SLC39A10: variants seen among roughly 807,000 people sequenced by gnomAD.
The protein encoded by SLC39A10 is zinc transporter ZIP10.
A neutral mutation model predicts 65.1 loss-of-function variants in SLC39A10; 13 were observed. The observed-to-expected ratio is 0.20, with a 90% CI of 0.13 to 0.32. The LOEUF (loss-of-function observed/expected upper bound fraction) is 0.32, where lower values mean the gene tolerates loss of function less well. Ranked by LOEUF, SLC39A10 falls within the 10% of genes least tolerant of loss-of-function variation. SLC39A10 has a pLI of 1.00. For missense variants in SLC39A10, 831 were observed against 1,018.4 expected, an observed-to-expected ratio of 0.82 and a Z score of 2.50; for synonymous variants, 321 against 342.2, an observed-to-expected ratio of 0.94 and a Z score of 0.68.
At chr2:195,654,919 T>G (rs1033420126), upstream of SLC39A10, among the ~76,000 whole-genome samples, 1 of 152,186 alleles carries the variant, frequency 6.6e-6, no homozygotes, top group Non-Finnish European at 1.5e-5. Context: ...TTCTATCTGA[T>G]AATTTTGCTT....
At chr2:195,703,795 A>G (rs1288027364) in intron 3 of SLC39A10, among the ~76,000 whole-genome samples, 1 of 152,124 alleles carries the variant, frequency 6.6e-6, no homozygotes, top group Non-Finnish European at 1.5e-5. Flanking sequence ...CTTGGACTAC[A>G]GGCACATGCC....
rs1482305590 is a variant in SLC39A10 at position 195,680,726 on chromosome 2, A to G, written c.684A>G (p.Leu228=). ...NKTQEQSDVK[L]PKGKRKKKGR... is the part of the protein sequence containing the mutation. ...CCCAGGAACAATCTGATGTTAAACT[A>G]CCGAAAGGAAAGAGGAAGAAAAAAG... The change falls in exon 2 of 10, where the codon CTA becomes CTG. Residue 228 remains leucine (L), a synonymous_variant. Coordinates refer to ENST00000359634, the MANE Select transcript of SLC39A10 (RefSeq NM_020342.3). 2 of 1,614,042 alleles carry G rather than the reference A, an allele frequency of 1.2e-6. No individual in the cohort carries two copies. Among genetic ancestry groups the G allele is most frequent in the South Asian group, 1.1e-5 (1 of 91,088 alleles).
In SLC39A10 at chr2:195,715,525, C is replaced by CAA. The variant is rs545656309; in HGVS notation, c.1697-1090_1697-1089dup. Among the ~76,000 whole-genome samples the CAA allele has an allele frequency of 7.0e-3, 419 of 59,576 alleles. 1 individual carries two copies. Among genetic ancestry groups the CAA allele is most frequent in the Non-Finnish European group, 8.2e-3 (229 of 27,760 alleles). 39.1% of individuals were successfully genotyped at this position (59,576 alleles called of 152,430 possible). On this transcript the variant is annotated intron_variant, in intron 6 of 9. Coordinates refer to ENST00000359634, the MANE Select transcript of SLC39A10 (RefSeq NM_020342.3). ...TGGGTGACAGAGTGAGACTCTGTCT[C>CAA]AAAAAAAAAAAAAAAAAAAAAAAGA...
chr2:195,618,402 A>C (rs907879267), intron 2 of SLC39A10, among the ~76,000 whole-genome samples: 1 of 152,028 alleles, frequency 6.6e-6, no homozygotes, highest in Non-Finnish European at 1.5e-5. Context: ...GTATTGAGAA[A>C]GGAAAGCAAG....
Position 195,697,179 on chromosome 2 carries a change from A to G in SLC39A10, c.1217-9437A>G, listed in dbSNP as rs556131978. ...CAGTTCAAACCCATGTTGCTCAATG[A>G]TCAACTATAATTTAATAATGATTTA... On this transcript the variant is annotated intron_variant, in intron 3 of 9. Transcript: ENST00000359634. Among the ~76,000 whole-genome samples the G allele has an allele frequency of 5.9e-5, 9 of 152,274 alleles. No individual in the cohort carries two copies. In the South Asian group the frequency reaches 1.5e-3, roughly 25 times the overall value.
At chr2:195,734,105 G>A (rs1238682350) in intron 9 of SLC39A10, among the ~76,000 whole-genome samples, 1 of 135,084 alleles carries the variant, frequency 7.4e-6, no homozygotes, top group Non-Finnish European at 1.6e-5. Context: ...AAAGAGTGAA[G>A]AAGTGAAACC....
Position 195,648,853 on chromosome 2 carries a change from G to A in SLC39A10, c.-11-31179G>A, listed in dbSNP as rs188812074. Among the ~76,000 whole-genome samples, 144 of 152,248 alleles carry A rather than the reference G, an allele frequency of 9.5e-4. 1 individual carries two copies. The South Asian group carries it at 0.011, about 12-fold the overall frequency. ...AGAGGGTTACTGTAGAATTAAATGA[G>A]TTCCATTTAGAGCATTTAAATGGTG... On this transcript the variant is annotated intron_variant, in intron 2 of 2. Coordinates refer to the SLC39A10 transcript ENST00000458054.
rs772552885 is a variant in SLC39A10 at position 195,713,460 on chromosome 2, A to G, written c.1603A>G (p.Asn535Asp). The G allele has an allele frequency of 6.4e-7, 1 of 1,573,182 alleles. No individual in the cohort carries two copies. The highest frequency in any genetic ancestry group is 1.2e-5 in the South Asian group (1 of 83,106). ...RGKQKWFMKQ[N>D]TEESTIGRKL... The stretch of plus-strand genomic sequence containing the variant: ...AAAACAGAAATGGTTTATGAAACAG[A>G]ACACAGAAGAATCAACTATTGGAAG... Residue 535 changes from asparagine to aspartate, a missense_variant, in exon 6 of 10, where the codon AAC (asparagine) becomes GAC (aspartate). Asn to Asp is a conservative substitution (Grantham distance 23). Coordinates refer to ENST00000359634, the MANE Select transcript of SLC39A10 (RefSeq NM_020342.3).
At chr2:195,725,872 C>G (rs531540627) in intron 8 of SLC39A10, among the ~76,000 whole-genome samples, 2 of 152,134 alleles carry the variant, frequency 1.3e-5, no homozygotes, top group African/African-American at 2.4e-5. Context: ...ATACTGTGTG[C>G]TTCCATTTAG....
intron 3 of SLC39A10, among the ~76,000 whole-genome samples, chr2:195,703,815 G>A (rs200562293): frequency 5.3e-5 from 8 of 151,982 alleles, no homozygotes; most frequent in African/African-American, 1.2e-4. Context: ...CACCACGCCC[G>A]GCTAATTTTT....
intron 2 of SLC39A10, among the ~76,000 whole-genome samples, chr2:195,617,724 C>CTTTTA (rs746379517): frequency 1.6e-3 from 231 of 145,190 alleles, no homozygotes; most frequent in African/African-American, 4.9e-3. Flanking sequence ...CTTTTCTTTT[C>CTTTTA]TTTTATTTTA....
intron 3 of SLC39A10, among the ~76,000 whole-genome samples, chr2:195,689,296 C>T (rs536095667): frequency 1.5e-4 from 23 of 152,160 alleles, no homozygotes; most frequent in Non-Finnish European, 3.1e-4. Context: ...GTGGTGCATG[C>T]CGGTGGTCCC....
chr2:195,732,331 A>G (rs1473203051), intron 9 of SLC39A10, among the ~76,000 whole-genome samples: 1 of 152,206 alleles, frequency 6.6e-6, no homozygotes, highest in East Asian at 1.9e-4. Context: ...AGTTTGAGAT[A>G]CCTATAGGAT....
chr2:195,684,713 T>C (rs1488685903), intron 3 of SLC39A10, among the ~76,000 whole-genome samples: 1 of 152,142 alleles, frequency 6.6e-6, no homozygotes, highest in Non-Finnish European at 1.5e-5. Context: ...CACTCTGTCA[T>C]AACAATTCTG....
Position 195,737,603 on chromosome 2 carries a change from G to GTTTTTTTT in SLC39A10, c.*2567_*2574dup, listed in dbSNP as rs5837477. 2 of 167,000 alleles carry GTTTTTTTT rather than the reference G, an allele frequency of 1.2e-5. No homozygotes were observed. The highest frequency in any genetic ancestry group is 2.4e-5 in the African/African-American group (1 of 40,982). 10.3% of individuals were successfully genotyped at this position (167,000 alleles called of 1,614,324 possible). On this transcript the variant is annotated 3_prime_UTR_variant, in exon 10 of 10. Coordinates refer to ENST00000359634, the MANE Select transcript of SLC39A10 (RefSeq NM_020342.3). ...AAAAAGCTGGAAAATATCAAATGCTGTTTTTTTTTTTTCATTGTCAACAGT... is the reference window on the plus strand; with the variant it reads ...AAAAAGCTGGAAAATATCAAATGCTGTTTTTTTTTTTTTTTTTTTTCATTGTCAACAGT...
At chr2:195,642,280 AG>A (rs1324550632) in intron 2 of SLC39A10, among the ~76,000 whole-genome samples, 2 of 152,188 alleles carry the variant, frequency 1.3e-5, no homozygotes, top group Non-Finnish European at 2.9e-5. Context: ...TATGGACACA[AG>A]GCATCTGTAA....
intron 2 of SLC39A10, among the ~76,000 whole-genome samples, chr2:195,629,427 T>G (rs1574202175): frequency 6.6e-6 from 1 of 151,568 alleles, no homozygotes; most frequent in African/African-American, 2.4e-5. Context: ...TCCTTGACCT[T>G]CAACCCACCC....
intron 3 of SLC39A10, among the ~76,000 whole-genome samples, chr2:195,704,409 T>C (rs1233250100): frequency 6.6e-6 from 1 of 152,226 alleles, no homozygotes; most frequent in Non-Finnish European, 1.5e-5. Context: ...CATGTAGTTA[T>C]TGTAAGTTCC....
chr2:195,654,232 C>A (rs954988907), upstream of SLC39A10, among the ~76,000 whole-genome samples: 1 of 152,200 alleles, frequency 6.6e-6, no homozygotes, highest in African/African-American at 2.4e-5. Context: ...AGCCACCACG[C>A]CTGGCAGAAT....
Sources: allele counts gnomAD v4.1 joint callset (sites outside exome capture counted in the v4.1 genomes callset), GRCh38; gene constraint gnomAD v4.1.1; transcripts MANE v1.5; gene names NCBI Gene and HGNC (gene_info 2026-07-23, HGNC 2026-07-21).